The following SAMD5 variants were observed in gnomAD, a reference collection of about 807,000 sequenced individuals.
The protein encoded by SAMD5 is sterile alpha motif domain-containing protein 5.
Under a neutral mutation model 11.3 loss-of-function variants are expected in SAMD5, and 13 were observed. That is an observed-to-expected ratio of 1.15 (90% CI 0.75 to 1.83). SAMD5 has a LOEUF of 1.83. Among genes scored for constraint, SAMD5 ranks in the 40% most tolerant of loss-of-function variants. The pLI is 0.00. For synonymous variants in SAMD5, 129 were observed against 111.3 expected, an observed-to-expected ratio of 1.16 and a Z score of -1.00; for missense variants, 255 against 239.1, an observed-to-expected ratio of 1.07 and a Z score of -0.44.
the SAMD5 span, among the ~76,000 whole-genome samples, chr6:147,933,689 C>A: frequency 6.7e-6 from 1 of 148,286 alleles, no homozygotes; most frequent in Non-Finnish European, 1.5e-5. Context: ...AATGCAAATG[C>A]CACTTTTTAA....
At chr6:147,702,928 C>T (rs891428934) in intron 1 of SAMD5, among the ~76,000 whole-genome samples, 2 of 152,190 alleles carry the variant, frequency 1.3e-5, no homozygotes, top group East Asian at 3.8e-4. Context: ...GGAGCCTGTT[C>T]TCTTGGGCCA....
At chr6:147,931,998 C>T in the SAMD5 span, among the ~76,000 whole-genome samples, 2 of 152,174 alleles carry the variant, frequency 1.3e-5, no homozygotes, top group South Asian at 2.1e-4. Flanking sequence ...CCACATCTAT[C>T]TTTCATTTCT....
chr6:147,515,512 C>A (rs1033179752), intron 1 of SAMD5, among the ~76,000 whole-genome samples: 2 of 151,986 alleles, frequency 1.3e-5, no homozygotes, highest in African/African-American at 2.4e-5. Flanking sequence ...TTCCATTTAA[C>A]CATCCATCTA....
At chr6:147,790,770 TTCTCTCTCTCTCTCTCTCTCTCTC>T in the SAMD5 span, among the ~76,000 whole-genome samples, 628 of 88,104 alleles carry the variant, frequency 7.1e-3, 6 homozygotes, top group East Asian at 0.023. Flanking sequence ...CTCTCTCTCT[TTCTCTCTCTCTCTCTCTCTCTCTC>T]TCTCTCTCTC....
At chr6:147,627,462 AGT>A (rs1348996629) in intron 1 of SAMD5, among the ~76,000 whole-genome samples, 3 of 152,218 alleles carry the variant, frequency 2.0e-5, no homozygotes, top group Admixed American at 2.0e-4. Flanking sequence ...GGGAAAAAAT[AGT>A]GTCTCTTTTT....
chr6:147,868,178 C>A, the SAMD5 span, among the ~76,000 whole-genome samples: 1 of 152,118 alleles, frequency 6.6e-6, no homozygotes, highest in East Asian at 1.9e-4. Context: ...GGTAAATGTG[C>A]AGGGAAAATT....
At chr6:147,561,980 GC>G (rs879406751) in intron 1 of SAMD5, among the ~76,000 whole-genome samples, 8 of 152,132 alleles carry the variant, frequency 5.3e-5, no homozygotes, top group Non-Finnish European at 1.2e-4. Flanking sequence ...CTGTTCATCT[GC>G]CCCCCACCTA....
rs144448728 is a variant in SAMD5 at position 147,632,375 on chromosome 6, G to A, written c.163-104942G>A. The stretch of plus-strand genomic sequence containing the variant: ...ATTTAGAGTCAGTATAAATATTGAC[G>A]CATAGTCCTTTTGCAAGAGTGAGGG... On this transcript the variant is annotated intron_variant, in intron 1 of 1. Coordinates refer to the SAMD5 transcript ENST00000566741. 7.7e-4 allele frequency among the ~76,000 whole-genome samples: 117 copies of A among 152,320 alleles called. 2 individuals are homozygous for A. The highest frequency in any genetic ancestry group is 2.3e-3 in the African/African-American group (94 of 41,564).
At chr6:147,805,077 CA>C in the SAMD5 span, among the ~76,000 whole-genome samples, 6 of 152,336 alleles carry the variant, frequency 3.9e-5, no homozygotes, top group East Asian at 9.6e-4. Context: ...ATACCCATGG[CA>C]ATCTCTTTCT....
At chr6:147,640,883 C>A (rs944260609) in intron 1 of SAMD5, among the ~76,000 whole-genome samples, 1 of 152,310 alleles carries the variant, frequency 6.6e-6, no homozygotes, top group South Asian at 2.1e-4. Flanking sequence ...AGATTCTTAT[C>A]TTGTTGCTTA....
At position 147,678,918 on chromosome 6, in the gene SAMD5, C is replaced by T. The variant is rs569531533; in HGVS notation, c.163-58399C>T. On this transcript the variant is annotated intron_variant, in intron 1 of 1. Coordinates refer to the SAMD5 transcript ENST00000566741. ...ACCACAATCAAGATAATGAACATAT[C>T]CATCGTCTCCAAAAGTGTATTGTTG... 2.0e-5 allele frequency among the ~76,000 whole-genome samples: 3 copies of T among 152,170 alleles called. 1 individual carries two copies. Among genetic ancestry groups the T allele is most frequent in the African/African-American group, 7.2e-5 (3 of 41,534 alleles).
At chr6:147,695,479 G>A (rs1405972891) in intron 1 of SAMD5, among the ~76,000 whole-genome samples, 3 of 152,036 alleles carry the variant, frequency 2.0e-5, no homozygotes, top group Admixed American at 6.6e-5. Flanking sequence ...CATATTAAGT[G>A]GATCAGGATA....
At chr6:147,786,573 T>C in the SAMD5 span, among the ~76,000 whole-genome samples, 1 of 152,238 alleles carries the variant, frequency 6.6e-6, no homozygotes, top group South Asian at 2.1e-4. Flanking sequence ...AGTCAAAGTA[T>C]GTATTTGCCT....
intron 1 of SAMD5, among the ~76,000 whole-genome samples, chr6:147,703,235 T>A (rs1387942172): frequency 1.3e-5 from 2 of 152,014 alleles, no homozygotes; most frequent in Non-Finnish European, 2.9e-5. Flanking sequence ...ACCCAGCTAA[T>A]TTTTGTATTT....
chr6:147,832,352 C>G, the SAMD5 span, among the ~76,000 whole-genome samples: 1 of 152,052 alleles, frequency 6.6e-6, no homozygotes. Context: ...CTTTTATTGA[C>G]AGAGCTATAA....
chr6:147,804,912 G>T, the SAMD5 span, among the ~76,000 whole-genome samples: 1 of 152,142 alleles, frequency 6.6e-6, no homozygotes, highest in Non-Finnish European at 1.5e-5. Flanking sequence ...GAAAAAGAAA[G>T]AATTGTTACA....
chr6:147,706,368 C>T lies in SAMD5; in HGVS notation c.163-30949C>T, dbSNP rs151039142. On this transcript the variant is annotated intron_variant, in intron 1 of 1. Transcript: ENST00000566741. ...TCCTGAGTAGTTGGGATTACAGGTG[C>T]CCGCCACCAACCATGCCTGGCTAAT... 3.9e-5 allele frequency among the ~76,000 whole-genome samples: 6 copies of T among 152,112 alleles called. No homozygotes were observed. In the East Asian group the frequency reaches 1.2e-3, roughly 29 times the overall value.
Position 147,669,271 on chromosome 6 carries a change from C to T in SAMD5, c.163-68046C>T, listed in dbSNP as rs1790762870. ...TGGAATATTCTAAATCCTTTGTTGT[C>T]ATTTCAACAATGTTCACACCATCTT... On this transcript the variant is annotated intron_variant, in intron 1 of 1. Coordinates refer to the SAMD5 transcript ENST00000566741. Among the ~76,000 whole-genome samples the T allele has an allele frequency of 2.6e-5, 4 of 152,110 alleles. No homozygotes were observed. In the South Asian group the frequency reaches 6.2e-4, roughly 24 times the overall value.
chr6:147,896,079 T>C, the SAMD5 span, among the ~76,000 whole-genome samples: 4 of 152,378 alleles, frequency 2.6e-5, no homozygotes, highest in South Asian at 8.3e-4. Context: ...TCTGTGTGAT[T>C]AAATTATTCT....
Sources: gnomAD v4.1 joint callset for allele counts (sites outside exome capture counted in the v4.1 genomes callset) on GRCh38, gnomAD v4.1.1 for gene constraint, MANE v1.5 for transcripts, NCBI Gene and HGNC (gene_info 2026-07-23, HGNC 2026-07-21) for gene names.